The following PACS1 variants were observed in gnomAD, a reference collection of about 807,000 sequenced individuals.
The protein encoded by PACS1 is PACS-1.
Under a neutral mutation model 115.0 loss-of-function variants are expected in PACS1, and 24 were observed. The observed-to-expected ratio is 0.21, with a 90% CI of 0.15 to 0.29. The LOEUF (loss-of-function observed/expected upper bound fraction) is 0.29, where lower values mean the gene tolerates loss of function less well. Ranked by LOEUF, PACS1 falls within the 10% of genes least tolerant of loss-of-function variation. PACS1 has a pLI of 1.00. For missense variants in PACS1, 838 were observed against 1,251.2 expected, an observed-to-expected ratio of 0.67 and a Z score of 4.98; for synonymous variants, 453 against 504.5, an observed-to-expected ratio of 0.90 and a Z score of 1.37.
chr11:66,209,296 G>T (rs1419524972), intron 2 of PACS1, among the ~76,000 whole-genome samples: 1 of 151,990 alleles, frequency 6.6e-6, no homozygotes, highest in Non-Finnish European at 1.5e-5. Flanking sequence ...ATCACTTGAA[G>T]TCAGGAGTTC....
chr11:66,113,648 C>T (rs985064544), intron 1 of PACS1, among the ~76,000 whole-genome samples: 14 of 152,204 alleles, frequency 9.2e-5, no homozygotes, highest in African/African-American at 3.4e-4. Flanking sequence ...ACTTCCTCTT[C>T]AGAAGTTGTA....
At chr11:66,110,217 G>C (rs1858155941) in intron 1 of PACS1, among the ~76,000 whole-genome samples, 1 of 151,928 alleles carries the variant, frequency 6.6e-6, no homozygotes, top group Non-Finnish European at 1.5e-5. Flanking sequence ...TAATTAAAAA[G>C]TACTTATTAC....
chr11:66,129,171 C>T (rs2134574078), intron 1 of PACS1, among the ~76,000 whole-genome samples: 1 of 152,158 alleles, frequency 6.6e-6, no homozygotes, highest in African/African-American at 2.4e-5. Context: ...GTGGCTCATG[C>T]CTGTAATCCC....
chr11:66,075,141 C>CA (rs1248316791), intron 1 of PACS1, among the ~76,000 whole-genome samples: 1 of 152,012 alleles, frequency 6.6e-6, no homozygotes, highest in Non-Finnish European at 1.5e-5. Flanking sequence ...GATGGCGTTT[C>CA]ACTGTGTTAG....
In PACS1 at chr11:66,239,238, C is replaced by T. The variant is rs1426483324; in HGVS notation, c.2390C>T (p.Pro797Leu). ...GLSRDATATPPSSPSMSSALA... is the reference protein window; with the variant it reads ...GLSRDATATPLSSPSMSSALA... ...AGCCGAGACGCCACGGCCACCCCTC[C>T]CTCCTCCCCATCTATGAGCAGCGCC... Residue 797 changes from proline (P) to leucine (L), a missense_variant, in exon 21 of 24, where the codon CCC becomes CTC. Pro to Leu is a moderately conservative substitution (Grantham distance 98, BLOSUM62 -3). Transcript: ENST00000320580. 6.2e-7 allele frequency: 1 copy of T among 1,613,796 alleles called. No homozygotes were observed. The highest frequency in any genetic ancestry group is 2.2e-5 in the East Asian group (1 of 44,878).
intron 1 of PACS1, among the ~76,000 whole-genome samples, chr11:66,117,451 A>G (rs1858329705): frequency 8.8e-6 from 1 of 113,436 alleles, no homozygotes; most frequent in Non-Finnish European, 1.9e-5. Flanking sequence ...TAAGAGGAAA[A>G]CTCCATCTCA....
intron 2 of PACS1, among the ~76,000 whole-genome samples, chr11:66,207,202 C>T (rs1287485534): frequency 6.6e-6 from 1 of 152,198 alleles, no homozygotes; most frequent in African/African-American, 2.4e-5. Flanking sequence ...CGCGGTGGCT[C>T]ATGCCTGTAA....
chr11:66,183,585 G>A (rs1203040451), intron 1 of PACS1, among the ~76,000 whole-genome samples: 1 of 152,124 alleles, frequency 6.6e-6, no homozygotes, highest in African/African-American at 2.4e-5. Flanking sequence ...GGTCACAAAG[G>A]GACCAGTGTA....
intron 1 of PACS1, among the ~76,000 whole-genome samples, chr11:66,143,742 C>G (rs938334354): frequency 1.3e-5 from 2 of 152,102 alleles, no homozygotes; most frequent in South Asian, 4.1e-4. Flanking sequence ...TGGGTTCAGG[C>G]GATCTTCATG....
intron 5 of PACS1, 80 bp downstream of exon 5, chr11:66,216,343 G>A (rs941568903): frequency 9.0e-6 from 14 of 1,562,734 alleles, no homozygotes; most frequent in Admixed American, 6.9e-5. Flanking sequence ...TGCCTGAGAT[G>A]TTCCTGGGCA....
chr11:66,129,682 G>T lies in PACS1; in HGVS notation c.356+58840G>T, dbSNP rs111953629. 1.2e-3 allele frequency among the ~76,000 whole-genome samples: 180 copies of T among 152,034 alleles called. 2 individuals are homozygous for T. The highest frequency in any genetic ancestry group is 4.2e-3 in the African/African-American group (174 of 41,504). ...TCAGAAGTGTGAGGCACCCAGCACT[G>T]CCAGGCAGCAGGGATTACCTGGCTT... is the stretch of plus-strand genomic sequence containing the variant. On this transcript the variant is annotated intron_variant, in intron 1 of 23. Transcript: ENST00000320580.
intron 1 of PACS1, among the ~76,000 whole-genome samples, chr11:66,132,671 T>A (rs1858731143): frequency 6.6e-6 from 1 of 152,144 alleles, no homozygotes; most frequent in Non-Finnish European, 1.5e-5. Flanking sequence ...AATATACATA[T>A]AGGTACATAC....
At chr11:66,159,363 G>C (rs1859436944) in intron 1 of PACS1, among the ~76,000 whole-genome samples, 1 of 152,126 alleles carries the variant, frequency 6.6e-6, no homozygotes, top group African/African-American at 2.4e-5. Flanking sequence ...CTTGAACCCG[G>C]GAGACGGAGG....
chr11:66,185,819 C>G (rs1303053669), intron 1 of PACS1, among the ~76,000 whole-genome samples: 1 of 152,180 alleles, frequency 6.6e-6, no homozygotes, highest in African/African-American at 2.4e-5. Flanking sequence ...ATTTGGCCAA[C>G]TGGTTCTTTT....
intron 1 of PACS1, among the ~76,000 whole-genome samples, chr11:66,078,481 G>A (rs1354172148): frequency 6.6e-6 from 1 of 152,136 alleles, no homozygotes; most frequent in Non-Finnish European, 1.5e-5. Flanking sequence ...ATTATGAGTA[G>A]GATTTCCCCC....
At chr11:66,228,789 G>A (rs1855518143) in intron 11 of PACS1, among the ~76,000 whole-genome samples, 1 of 152,174 alleles carries the variant, frequency 6.6e-6, no homozygotes, top group Non-Finnish European at 1.5e-5. Context: ...GGAACGTTCT[G>A]TCTTGATCTG....
intron 19 of PACS1, 38 bp from the exon 20 acceptor site, chr11:66,238,766 A>C (rs1431379604): frequency 7.1e-6 from 11 of 1,559,968 alleles, no homozygotes; most frequent in Non-Finnish European, 9.6e-6. Flanking sequence ...GCCTGCTTTA[A>C]CAGGAGGATC....
intron 1 of PACS1, among the ~76,000 whole-genome samples, chr11:66,126,314 G>GT (rs1305550548): frequency 6.6e-6 from 1 of 152,164 alleles, no homozygotes; most frequent in Non-Finnish European, 1.5e-5. Flanking sequence ...TAATCAGGGT[G>GT]TTTCCTTGTT....
intron 1 of PACS1, among the ~76,000 whole-genome samples, chr11:66,124,915 C>G (rs150674240): frequency 4.0e-4 from 61 of 152,306 alleles, no homozygotes; most frequent in African/African-American, 1.5e-3. Flanking sequence ...TCAGTACAGG[C>G]TTGCCCGCTG....
Sources: gnomAD v4.1 joint callset for allele counts (sites outside exome capture counted in the v4.1 genomes callset) on GRCh38, gnomAD v4.1.1 for gene constraint, MANE v1.5 for transcripts, NCBI Gene and HGNC (gene_info 2026-07-23, HGNC 2026-07-21) for gene names.